MAP3K9: variants seen among roughly 807,000 people sequenced by gnomAD.
MAP3K9 encodes the protein mixed lineage kinase 1 (tyr and ser/thr specificity).
MAP3K9 carries 46 observed loss-of-function variants against 95.8 expected under a neutral mutation model. The ratio of observed to expected loss-of-function variants is 0.48; its 90% CI spans 0.38 to 0.61. MAP3K9 has a LOEUF of 0.61. MAP3K9 is among the 20% of genes least tolerant of loss of function. The probability of loss-of-function intolerance (pLI) is 0.00; values close to 1 mark genes in which losing one functional copy is unlikely to be tolerated. For missense variants in MAP3K9, 1,296 were observed against 1,474.3 expected (o/e 0.88, Z 1.98); for synonymous variants, 533 against 593.8 (o/e 0.90, Z 1.49).
chr14:70,768,194 G>A (rs1425784366), intron 2 of MAP3K9, among the ~76,000 whole-genome samples: 1 of 151,918 alleles, frequency 6.6e-6, no homozygotes, highest in Non-Finnish European at 1.5e-5. Context: ...TTGAGGGGAT[G>A]GATATCCCAT....
intron 2 of MAP3K9, among the ~76,000 whole-genome samples, chr14:70,799,346 G>T (rs112797367): frequency 0.055 from 8,373 of 151,780 alleles, 311 homozygotes; most frequent in African/African-American, 0.096. Flanking sequence ...TAGTTTTTTT[G>T]TTTGTTTTTT....
In MAP3K9 at chr14:70,738,228, T is replaced by G. The variant is rs762076187; in HGVS notation, c.1844+17A>C. On this transcript the variant is annotated intron_variant, in intron 8 of 11. Coordinates refer to ENST00000554752, the MANE Select transcript of MAP3K9 (RefSeq NM_001284230.2). ...CATCTTCAAGAGAGAAAGAATTTCA[T>G]GTCATCTGGCACTTACCCTTCATCT... 4 of 1,587,396 alleles carry G rather than the reference T, an allele frequency of 2.5e-6. No individual in the cohort carries two copies. Among genetic ancestry groups the G allele is most frequent in the Non-Finnish European group, 3.4e-6 (4 of 1,166,204 alleles).
chr14:70,757,771 T>G (rs1329602967), intron 3 of MAP3K9, among the ~76,000 whole-genome samples: 2 of 152,182 alleles, frequency 1.3e-5, no homozygotes, highest in Non-Finnish European at 2.9e-5. Context: ...AAATTGACAT[T>G]TGATAAAAGT....
chr14:70,782,120 C>T (rs2054685546), intron 2 of MAP3K9, among the ~76,000 whole-genome samples: 1 of 152,156 alleles, frequency 6.6e-6, no homozygotes, highest in Non-Finnish European at 1.5e-5. Context: ...CTTCTCCAGA[C>T]CCCATCTCAT....
intron 6 of MAP3K9, among the ~76,000 whole-genome samples, chr14:70,741,745 A>C (rs2054072480): frequency 6.6e-6 from 1 of 152,158 alleles, no homozygotes; most frequent in African/African-American, 2.4e-5. Context: ...TGGGAGGCCA[A>C]GGTGGGTGGA....
rs751942112 is a variant in MAP3K9 at position 70,742,565 on chromosome 14, C to G, written c.1353G>C (p.Leu451=). ...TCTTCTGCTGCAGTGCAGCCCGCGT[C>G]AGCTCCTCCTCCCAGGTGCGAAGTT... ...EKELRTWEEE[L]TRAALQQKNQ... The change falls in exon 6 of 12, where the codon CTG becomes CTC. Residue 451 remains leucine (L), a synonymous_variant. Transcript: ENST00000554752. The G allele has an allele frequency of 2.5e-6, 4 of 1,614,172 alleles. No individual in the cohort carries two copies. The highest frequency in any genetic ancestry group is 3.4e-6 in the Non-Finnish European group (4 of 1,180,010).
At chr14:70,746,694 A>G (rs2054151973) in intron 5 of MAP3K9, among the ~76,000 whole-genome samples, 1 of 152,258 alleles carries the variant, frequency 6.6e-6, no homozygotes, top group Non-Finnish European at 1.5e-5. Context: ...CTCATTAAAT[A>G]AGATAATTCA....
chr14:70,768,916 A>T (rs2054493315), intron 2 of MAP3K9, among the ~76,000 whole-genome samples: 1 of 152,230 alleles, frequency 6.6e-6, no homozygotes. Flanking sequence ...AGATGATTCA[A>T]TGCCATCTCT....
chr14:70,742,676 G>C, intron 5 of MAP3K9, 85 bp from the exon 6 acceptor site: 1 of 1,497,130 alleles, frequency 6.7e-7, no homozygotes, highest in South Asian at 1.3e-5. Flanking sequence ...AGCTCCCAGA[G>C]GGCTTATGGT....
chr14:70,758,120 T>C (rs1023635075), intron 3 of MAP3K9, among the ~76,000 whole-genome samples: 2 of 151,768 alleles, frequency 1.3e-5, no homozygotes, highest in African/African-American at 2.4e-5. Flanking sequence ...ATCTACAGAA[T>C]GGAAAAAAAA....
chr14:70,753,591 T>G (rs950428917), intron 3 of MAP3K9, among the ~76,000 whole-genome samples: 2 of 152,062 alleles, frequency 1.3e-5, no homozygotes, highest in Admixed American at 6.6e-5. Flanking sequence ...GGTTAAAAGG[T>G]CAACAAGTCC....
At chr14:70,748,755 G>T in intron 5 of MAP3K9, 74 bp downstream of exon 5, 1 of 1,216,280 alleles carries the variant, frequency 8.2e-7, no homozygotes. Context: ...GTCCCTGTGA[G>T]TGAGGTCTAC....
At chr14:70,807,472 A>G (rs1466622565) in intron 1 of MAP3K9, among the ~76,000 whole-genome samples, 1 of 152,236 alleles carries the variant, frequency 6.6e-6, no homozygotes, top group African/African-American at 2.4e-5. Context: ...CCTGGGAGAC[A>G]ACGAGACTGT....
In MAP3K9 at chr14:70,761,061, A is replaced by G. The variant is rs201170692; in HGVS notation, c.942T>C (p.Ala314=). The change falls in exon 3 of 12, where the codon GCT becomes GCC. Residue 314 remains alanine (A), a synonymous_variant. Coordinates refer to ENST00000554752, the MANE Select transcript of MAP3K9 (RefSeq NM_001284230.2). ...TTKMSAAGTY[A]WMAPEVIRAS... ...CCCGGATGACTTCGGGTGCCATCCA[A>G]GCATACGTCCCTGCCGCACTCATCT... 9 of 1,613,874 alleles carry G rather than the reference A, an allele frequency of 5.6e-6. No individual in the cohort carries two copies. In the South Asian group the frequency reaches 8.8e-5, roughly 16 times the overall value.
chr14:70,801,852 G>T (rs1394525949), intron 1 of MAP3K9, among the ~76,000 whole-genome samples: 1 of 152,138 alleles, frequency 6.6e-6, no homozygotes, highest in East Asian at 1.9e-4. Flanking sequence ...GCAGACGGAA[G>T]GACAGGAGCC....
At position 70,723,976 on chromosome 14, in the gene MAP3K9, T is replaced by C. The variant is rs2053786548; in HGVS notation, c.*6404A>G. On this transcript the variant is annotated 3_prime_UTR_variant, in exon 12 of 12. Coordinates refer to ENST00000554752, the MANE Select transcript of MAP3K9 (RefSeq NM_001284230.2). ...ATGAGGAGGGTGGTGGAAACGATAC[T>C]AGCAGAGGGTGTGATGGGCCAAATT... 6.6e-6 allele frequency: 1 copy of C among 152,166 alleles called. No homozygotes were observed. The highest frequency in any genetic ancestry group is 6.5e-5 in the Admixed American group (1 of 15,278). The allele number at this position is 152,166 out of a possible 1,614,324, so 9.4% of individuals were successfully genotyped here. A position where few individuals can be genotyped will look rare whatever the true frequency, so the allele number is the denominator to read the frequency against.
intron 1 of MAP3K9, among the ~76,000 whole-genome samples, chr14:70,803,337 TAAAA>T (rs10583563): frequency 8.0e-5 from 6 of 75,196 alleles, no homozygotes; most frequent in African/African-American, 1.1e-4. Flanking sequence ...ATTCAGATCT[TAAAA>T]AAAAAAAAAA....
chr14:70,796,571 C>T (rs1301412995), intron 2 of MAP3K9, among the ~76,000 whole-genome samples: 3 of 152,238 alleles, frequency 2.0e-5, no homozygotes, highest in African/African-American at 4.8e-5. Context: ...AAGCCTCCAT[C>T]TCCCTGTCTC....
At chr14:70,751,903 TAC>T (rs1440253835) in intron 3 of MAP3K9, among the ~76,000 whole-genome samples, 1 of 152,204 alleles carries the variant, frequency 6.6e-6, no homozygotes, top group Non-Finnish European at 1.5e-5. Context: ...ACTAAGGGCA[TAC>T]ACAGAGTACA....
Sources: gnomAD v4.1 joint callset for allele counts (sites outside exome capture counted in the v4.1 genomes callset) on GRCh38, gnomAD v4.1.1 for gene constraint, MANE v1.5 for transcripts, NCBI Gene and HGNC (gene_info 2026-07-23, HGNC 2026-07-21) for gene names.